The following TMEM132C variants were observed in gnomAD, a reference collection of about 807,000 sequenced individuals.
The protein encoded by TMEM132C is protein phosphatase 1, regulatory subunit 152.
In TMEM132C, 29 loss-of-function variants were observed where a neutral mutation model predicts 61.4. The ratio of observed to expected loss-of-function variants is 0.47; its 90% CI spans 0.35 to 0.64. The LOEUF is 0.64. Among genes scored for constraint, TMEM132C ranks in the 30% least tolerant of loss-of-function variants. The pLI is 0.00. For synonymous variants in TMEM132C, 656 were observed against 633.1 expected, an observed-to-expected ratio of 1.04 and a Z score of -0.54; for missense variants, 1,408 against 1,476.9, an observed-to-expected ratio of 0.95 and a Z score of 0.76.
intron 1 of TMEM132C, among the ~76,000 whole-genome samples, chr12:128,380,986 C>T (rs576014061): frequency 6.6e-6 from 1 of 152,302 alleles, no homozygotes; most frequent in East Asian, 1.9e-4. Flanking sequence ...ACAGTGCCGC[C>T]TTCTTGCACT....
At chr12:128,658,048 C>T (rs1045375830) in intron 4 of TMEM132C, among the ~76,000 whole-genome samples, 4 of 147,720 alleles carry the variant, frequency 2.7e-5, no homozygotes, top group African/African-American at 7.5e-5. Context: ...GGAGCAGGGA[C>T]GCAGCTCCCA....
chr12:128,536,282 A>G (rs1011800695), intron 2 of TMEM132C, among the ~76,000 whole-genome samples: 10 of 152,174 alleles, frequency 6.6e-5, no homozygotes, highest in African/African-American at 1.7e-4. Flanking sequence ...TGAGCAAACT[A>G]TCGCAAGGAC....
chr12:128,525,135 G>T (rs1271309913), intron 2 of TMEM132C, among the ~76,000 whole-genome samples: 6 of 152,208 alleles, frequency 3.9e-5, no homozygotes, highest in Non-Finnish European at 8.8e-5. Flanking sequence ...GTCTCAGGAA[G>T]GTGGGCCTTC....
intron 3 of TMEM132C, among the ~76,000 whole-genome samples, chr12:128,585,557 G>T (rs1770680381): frequency 1.3e-5 from 2 of 152,236 alleles, no homozygotes; most frequent in Non-Finnish European, 2.9e-5. Flanking sequence ...ATGGCATTGG[G>T]GAATGGTCAG....
rs145840239 is a variant in TMEM132C, at chr12:128,340,856, T to C, written c.85+73369T>C. 1.0e-2 allele frequency among the ~76,000 whole-genome samples: 1,471 copies of C among 147,350 alleles called. 31 individuals are homozygous for C. Among genetic ancestry groups the C allele is most frequent in the African/African-American group, 0.028 (1,067 of 38,572 alleles). On this transcript the variant is annotated intron_variant, in intron 1 of 8. Coordinates refer to ENST00000435159, the MANE Select transcript of TMEM132C (RefSeq NM_001136103.3). ...CTCTCTCTCTCTTTCTCTCTTTCTT[T>C]CTTCCTTCCTTCCTTCCTTTCTTTT... is the stretch of plus-strand genomic sequence containing the variant.
intron 1 of TMEM132C, among the ~76,000 whole-genome samples, chr12:128,401,599 C>T (rs1346513556): frequency 2.0e-5 from 3 of 152,124 alleles, no homozygotes; most frequent in Non-Finnish European, 2.9e-5. Flanking sequence ...AGATAAGTTT[C>T]ATCAAAGTCT....
At chr12:128,547,442 T>C (rs2136152173) in intron 3 of TMEM132C, among the ~76,000 whole-genome samples, 1 of 150,812 alleles carries the variant, frequency 6.6e-6, no homozygotes, top group African/African-American at 2.4e-5. Flanking sequence ...CGGGCAGCTG[T>C]AGTCCCAGCT....
intron 4 of TMEM132C, among the ~76,000 whole-genome samples, chr12:128,648,163 TCAA>T (rs888624794): frequency 2.6e-5 from 4 of 151,594 alleles, no homozygotes; most frequent in Admixed American, 6.6e-5. Context: ...CCAGATGCCA[TCAA>T]CGTTAAATAT....
chr12:128,705,563 C>T lies in TMEM132C; in HGVS notation c.2595C>T (p.Asp865=), dbSNP rs746634508. The T allele has an allele frequency of 1.9e-5, 30 of 1,551,060 alleles. No homozygotes were observed. The highest frequency in any genetic ancestry group is 1.7e-4 in the Middle Eastern group (1 of 6,014). The part of the protein sequence containing the change: ...RATTTARSLL[D]NKVVKNSRAD... The stretch of plus-strand genomic sequence containing the variant: ...CTACCACGGCCAGGTCCCTGCTGGA[C>T]AACAAAGTGGTGAAGAACAGTCGGG... The change falls in exon 9 of 9, where the codon GAC becomes GAT. Residue 865 remains aspartate, a synonymous_variant. Coordinates refer to ENST00000435159, the MANE Select transcript of TMEM132C (RefSeq NM_001136103.3).
intron 4 of TMEM132C, among the ~76,000 whole-genome samples, chr12:128,618,619 C>A (rs1876885450): frequency 6.6e-6 from 1 of 152,052 alleles, no homozygotes; most frequent in Non-Finnish European, 1.5e-5. Flanking sequence ...CAGTTTTCAC[C>A]ATACTGTTCT....
chr12:128,515,019 G>A (rs952571739), intron 2 of TMEM132C, among the ~76,000 whole-genome samples: 3 of 152,192 alleles, frequency 2.0e-5, no homozygotes, highest in African/African-American at 4.8e-5. Context: ...GTCTGGACAC[G>A]GATAAAGCAA....
At chr12:128,489,600 A>G (rs1871639905) in intron 2 of TMEM132C, among the ~76,000 whole-genome samples, 1 of 129,800 alleles carries the variant, frequency 7.7e-6, no homozygotes, top group African/African-American at 2.7e-5. Flanking sequence ...ACAACACAGA[A>G]GTGAAAGTGA....
At chr12:128,307,386 T>A (rs1032088504) in intron 1 of TMEM132C, among the ~76,000 whole-genome samples, 5 of 151,596 alleles carry the variant, frequency 3.3e-5, no homozygotes, top group African/African-American at 1.2e-4. Flanking sequence ...CACTCAGAAT[T>A]GTCTGCACAT....
chr12:128,269,652 A>T (rs141300223), intron 1 of TMEM132C, among the ~76,000 whole-genome samples: 8 of 152,202 alleles, frequency 5.3e-5, no homozygotes, highest in Non-Finnish European at 1.0e-4. Flanking sequence ...TTGGGGGTGC[A>T]TAAGGGCCTG....
chr12:128,691,209 T>C (rs1954717059), intron 5 of TMEM132C, among the ~76,000 whole-genome samples: 2 of 152,244 alleles, frequency 1.3e-5, no homozygotes, highest in South Asian at 4.1e-4. Context: ...TAGCTTTATG[T>C]GTATTCTCAA....
intron 2 of TMEM132C, among the ~76,000 whole-genome samples, chr12:128,488,579 T>G (rs1328814119): frequency 2.0e-5 from 3 of 152,060 alleles, no homozygotes; most frequent in African/African-American, 7.2e-5. Context: ...GAGAATTGCT[T>G]GAACCTGGGA....
intron 4 of TMEM132C, among the ~76,000 whole-genome samples, chr12:128,659,989 G>T (rs1275853792): frequency 6.6e-6 from 1 of 152,224 alleles, no homozygotes; most frequent in Non-Finnish European, 1.5e-5. Context: ...TTGTGAATTT[G>T]AGTGAGTTAG....
intron 4 of TMEM132C, among the ~76,000 whole-genome samples, chr12:128,642,127 GTTTTGTTTTA>G (rs1954162771): frequency 6.9e-6 from 1 of 145,658 alleles, no homozygotes; most frequent in African/African-American, 2.6e-5. Flanking sequence ...TGTTTTTTTT[GTTTTGTTTTA>G]TTTTGTTTTA....
chr12:128,504,125 A>C (rs1297566070), intron 2 of TMEM132C, among the ~76,000 whole-genome samples: 1 of 152,104 alleles, frequency 6.6e-6, no homozygotes, highest in Non-Finnish European at 1.5e-5. Context: ...TCCTCACAGC[A>C]TGGTGGTCTC....
Sources: gnomAD v4.1 joint callset for allele counts (sites outside exome capture counted in the v4.1 genomes callset) on GRCh38, gnomAD v4.1.1 for gene constraint, MANE v1.5 for transcripts, NCBI Gene and HGNC (gene_info 2026-07-23, HGNC 2026-07-21) for gene names.